Variants in LRP1B observed in about 807,000 individuals in gnomAD.
The protein encoded by LRP1B is LDL receptor related protein 1B, also known as low-density lipoprotein receptor-related protein 1B.
A neutral mutation model predicts 556.6 loss-of-function variants in LRP1B; 217 were observed. The observed-to-expected ratio is 0.39, with a 90% confidence interval of 0.35 to 0.44. The LOEUF (loss-of-function observed/expected upper bound fraction) is 0.44. Among genes scored for constraint, LRP1B ranks in the 20% least tolerant of loss-of-function variants. The pLI, the probability that LRP1B is intolerant of heterozygous loss-of-function variation, is 1.00. For missense variants in LRP1B, 5,053 were observed against 5,620.8 expected (o/e 0.90, Z 3.23); for synonymous variants, 2,047 against 1,865.8 (o/e 1.10, Z -2.50).
intron 41 of LRP1B, among the ~76,000 whole-genome samples, chr2:140,670,718 C>G (rs1446894504): frequency 6.6e-6 from 1 of 152,134 alleles, no homozygotes; most frequent in East Asian, 1.9e-4. Context: ...CAGTACAAAT[C>G]CAGGCAAAGA....
chr2:140,372,528 G>T (rs2931465), intron 69 of LRP1B, among the ~76,000 whole-genome samples: 1 of 151,968 alleles, frequency 6.6e-6, no homozygotes, highest in Non-Finnish European at 1.5e-5. Context: ...ATTGAGTAGT[G>T]TATCTTTTTT....
chr2:140,607,880 G>A (rs1005498508), intron 41 of LRP1B, among the ~76,000 whole-genome samples: 32 of 151,932 alleles, frequency 2.1e-4, no homozygotes, highest in African/African-American at 7.7e-4. Flanking sequence ...CCATTCAATC[G>A]ATGAATGGGA....
chr2:141,027,990 A>G, intron 11 of LRP1B, among the ~76,000 whole-genome samples: 1 of 152,132 alleles, frequency 6.6e-6, no homozygotes. Context: ...TCTGTTGTGT[A>G]TAAGTCACCC....
rs191770802 is a variant in LRP1B at position 140,653,464 on chromosome 2, C to A, written c.6799+46786G>T. Among the ~76,000 whole-genome samples the A allele has an allele frequency of 9.9e-5, 15 of 151,692 alleles. No homozygotes were observed. In the East Asian group the frequency reaches 2.9e-3, roughly 29 times the overall value. ...AGTTGTATGAAAAAGGAAAAATAGG[C>A]ATCATATACTAGATGGTTTAACAAT... is the stretch of plus-strand genomic sequence containing the variant. On this transcript the variant is annotated intron_variant, in intron 41 of 90. Transcript: ENST00000389484.
At chr2:141,692,550 T>A (rs1048505907) in intron 2 of LRP1B, among the ~76,000 whole-genome samples, 1 of 152,150 alleles carries the variant, frequency 6.6e-6, no homozygotes, top group African/African-American at 2.4e-5. Context: ...CTTACCTTTT[T>A]AGCCTAAGGG....
chr2:141,623,356 A>G (rs891225918), intron 2 of LRP1B, among the ~76,000 whole-genome samples: 1 of 152,206 alleles, frequency 6.6e-6, no homozygotes, highest in African/African-American at 2.4e-5. Flanking sequence ...TTTGTGGACA[A>G]TGGTATATAA....
At chr2:141,677,580 CT>C (rs1448793808) in intron 2 of LRP1B, among the ~76,000 whole-genome samples, 4 of 152,102 alleles carry the variant, frequency 2.6e-5, no homozygotes, top group Non-Finnish European at 5.9e-5. Context: ...AACTCCACCT[CT>C]TGGGTTCAAG....
chr2:141,231,519 C>T (rs1309376182), intron 5 of LRP1B, among the ~76,000 whole-genome samples: 2 of 152,132 alleles, frequency 1.3e-5, no homozygotes, highest in Non-Finnish European at 2.9e-5. Context: ...AGAGATGGTC[C>T]AGTGGCTGCA....
At chr2:141,848,964 A>G (rs1056222159) in intron 1 of LRP1B, among the ~76,000 whole-genome samples, 4 of 151,748 alleles carry the variant, frequency 2.6e-5, no homozygotes, top group Admixed American at 2.0e-4. Flanking sequence ...GAAGATTATC[A>G]TCAGATAAAT....
intron 1 of LRP1B, among the ~76,000 whole-genome samples, chr2:141,872,579 A>T (rs933441110): frequency 6.6e-6 from 1 of 150,878 alleles, no homozygotes; most frequent in African/African-American, 2.4e-5. Flanking sequence ...AAAAACAGAA[A>T]GCCCTAATTT....
At chr2:141,519,360 GATAT>G (rs60473210) in intron 2 of LRP1B, among the ~76,000 whole-genome samples, 35 of 68,302 alleles carry the variant, frequency 5.1e-4, no homozygotes, top group East Asian at 1.6e-3. Flanking sequence ...TTAAGTCAAT[GATAT>G]ATATATATAT....
intron 1 of LRP1B, among the ~76,000 whole-genome samples, chr2:141,911,652 A>C (rs1235422570): frequency 6.6e-6 from 1 of 152,176 alleles, no homozygotes; most frequent in Non-Finnish European, 1.5e-5. Flanking sequence ...TGCCCTTTGG[A>C]TCCAGCTCTC....
chr2:140,606,646 TAAG>T (rs1682877858), intron 41 of LRP1B, among the ~76,000 whole-genome samples: 1 of 151,904 alleles, frequency 6.6e-6, no homozygotes. Context: ...AGAGTTTGAA[TAAG>T]AATAGACACA....
chr2:140,650,282 AAGTT>A (rs1315974905), intron 41 of LRP1B, among the ~76,000 whole-genome samples: 6 of 151,002 alleles, frequency 4.0e-5, no homozygotes, highest in Non-Finnish European at 5.9e-5. Flanking sequence ...CTCCGATAGA[AAGTT>A]AGTTAAATCA....
intron 3 of LRP1B, among the ~76,000 whole-genome samples, chr2:141,329,709 T>A (rs1034831690): frequency 6.6e-6 from 1 of 151,226 alleles, no homozygotes; most frequent in African/African-American, 2.4e-5. Context: ...AGGGTAAGGA[T>A]ACCAGAAGTC....
chr2:140,608,428 T>A (rs1358300679), intron 41 of LRP1B, among the ~76,000 whole-genome samples: 1 of 152,192 alleles, frequency 6.6e-6, no homozygotes. Context: ...TGATCGTGGA[T>A]CTGTTAAGTT....
intron 3 of LRP1B, among the ~76,000 whole-genome samples, chr2:141,316,347 T>C (rs1687036932): frequency 6.6e-6 from 1 of 152,222 alleles, no homozygotes; most frequent in African/African-American, 2.4e-5. Context: ...CTCCTTTCAC[T>C]ATATACCATT....
rs182960495 is a variant in LRP1B at position 141,118,660 on chromosome 2, C to T, written c.1014-56387G>A. Among the ~76,000 whole-genome samples, 758 of 151,982 alleles carry T rather than the reference C, an allele frequency of 5.0e-3. 5 individuals are homozygous for T. Among genetic ancestry groups the T allele is most frequent in the Middle Eastern group, 6.8e-3 (2 of 294 alleles). ...GATATCAAATGCACACTCTGGACCA[C>T]ACTGTATTCTAAACATTTATTCCAC... On this transcript the variant is annotated intron_variant, in intron 7 of 90. Transcript: ENST00000389484.
chr2:141,754,710 C>T (rs1186675861), intron 2 of LRP1B, among the ~76,000 whole-genome samples: 1 of 152,098 alleles, frequency 6.6e-6, no homozygotes, highest in Non-Finnish European at 1.5e-5. Context: ...AACCCAATAG[C>T]TGTGACCAAA....
Sources: gnomAD v4.1 joint callset for allele counts (sites outside exome capture counted in the v4.1 genomes callset) on GRCh38, gnomAD v4.1.1 for gene constraint, MANE v1.5 for transcripts, NCBI Gene and HGNC (gene_info 2026-07-23, HGNC 2026-07-21) for gene names.